IFT140: variants seen among roughly 807,000 people sequenced by gnomAD.
The protein encoded by IFT140 is intraflagellar transport 140, also known as intraflagellar transport protein 140 homolog.
Under a neutral mutation model 164.6 loss-of-function variants are expected in IFT140, and 133 were observed. The ratio of observed to expected loss-of-function variants is 0.81; its 90% CI spans 0.70 to 0.93. IFT140 has a LOEUF of 0.93. Among genes scored for constraint, IFT140 ranks in the 40% least tolerant of loss-of-function variants. The pLI, the probability that IFT140 is intolerant of heterozygous loss-of-function variation, is 0.00. For missense variants in IFT140, 2,045 were observed against 1,972.3 expected (o/e 1.04, Z -0.70); for synonymous variants, 860 against 817.3 (o/e 1.05, Z -0.89).
At position 1,562,067 on chromosome 16, in the gene IFT140, A is replaced by C. The variant is rs1313840942; in HGVS notation, c.2117T>G (p.Leu706Arg). The C allele has an allele frequency of 6.2e-7, 1 of 1,612,334 alleles. No homozygotes were observed. The highest frequency in any genetic ancestry group is 8.5e-7 in the Non-Finnish European group (1 of 1,179,242). ...AGGCCGGGGGAAGCTCTCATGAAGC[A>C]GGAAGCCGTGCTCTTCGGAAATGAA... The part of the protein sequence containing the change: ...SFFISEEHGF[L>R]LHESFPRPAT... The change falls in exon 18 of 31, where the codon CTG becomes CGG. Residue 706 changes from leucine to arginine, a missense_variant. Coordinates refer to ENST00000426508, the MANE Select transcript of IFT140 (RefSeq NM_014714.4).
chr16:1,561,049 G>C (rs1348602597), intron 18 of IFT140, among the ~76,000 whole-genome samples: 1 of 152,264 alleles, frequency 6.6e-6, no homozygotes, highest in African/African-American at 2.4e-5. Context: ...GGGCTCACAG[G>C]CCGGCGCCAG....
intron 20 of IFT140, 176 bp from the exon 21 acceptor site, chr16:1,526,253 G>A (rs1169255638): frequency 1.1e-5 from 7 of 650,240 alleles, no homozygotes; most frequent in African/African-American, 3.7e-5. Context: ...CCCGTCCCAC[G>A]GCTGGAGAGT....
intron 9 of IFT140, 23 bp downstream of exon 9, chr16:1,587,175 T>G: frequency 6.8e-7 from 1 of 1,468,746 alleles, no homozygotes; most frequent in Non-Finnish European, 9.5e-7. Flanking sequence ...CTGTTTCTCT[T>G]GTGCCAGGCC....
Position 1,564,361 on chromosome 16 carries a change from G to A in IFT140, c.1902-199C>T, listed in dbSNP as rs1262133606. ...TCTCAGATTTTAACAACTGGGCTAA[G>A]GGTCCGAGCAAAGCCCAGTTTGAAA... On this transcript the variant is annotated intron_variant, in intron 16 of 30. Transcript: ENST00000426508. This position sits in a 1 kb window ranked among gnomAD's most constrained non-coding sequence, Gnocchi z 5.5. Among the ~76,000 whole-genome samples, 1 of 152,194 alleles carries A rather than the reference G, an allele frequency of 6.6e-6. No individual in the cohort carries two copies. Among genetic ancestry groups the A allele is most frequent in the South Asian group, 2.1e-4 (1 of 4,836 alleles).
chr16:1,594,419 C>T (rs1197997058), intron 4 of IFT140, among the ~76,000 whole-genome samples: 1 of 152,096 alleles, frequency 6.6e-6, no homozygotes, highest in African/African-American at 2.4e-5. Context: ...TGGGGTCGCA[C>T]TATGTTGCCC....
chr16:1,526,732 C>G lies in IFT140; in HGVS notation c.2464G>C (p.Val822Leu). Residue 822 changes from valine to leucine, a missense_variant, in exon 20 of 31, where the codon GTG becomes CTG. Transcript: ENST00000426508. ...VKTQRLDVAK[V>L]CLGNMGHARG... ...GCATGGCCCATGTTCCCCAGGCACACCTTGGCCACGTCCAGCCGCTGGGTC... is the reference window on the plus strand; with the variant it reads ...GCATGGCCCATGTTCCCCAGGCACAGCTTGGCCACGTCCAGCCGCTGGGTC... 2 of 1,609,688 alleles carry G rather than the reference C, an allele frequency of 1.2e-6. No individual in the cohort carries two copies. The highest frequency in any genetic ancestry group is 3.4e-5 in the Admixed American group (2 of 59,660).
At position 1,519,964 on chromosome 16, in the gene IFT140, G is replaced by A. The variant is rs1408465398; in HGVS notation, c.3957C>T (p.Ala1319=). 2 of 1,599,078 alleles carry A rather than the reference G, an allele frequency of 1.3e-6. No homozygotes were observed. Among genetic ancestry groups the A allele is most frequent in the South Asian group, 1.1e-5 (1 of 90,038 alleles). ...TGGTCTCCTGGTCCAGGGGGCTCTT[G>A]GCCTTGGCCTTGGCCAGGCACTTGT... The part of the protein sequence containing the change: ...EAYKCLAKAK[A]KSPLDQETRL... Residue 1319 remains alanine (A), a synonymous_variant, in exon 29 of 31, where the codon GCC becomes GCT. Transcript: ENST00000426508.
At chr16:1,583,655 C>T (rs901279228) in intron 11 of IFT140, among the ~76,000 whole-genome samples, 2 of 150,184 alleles carry the variant, frequency 1.3e-5, no homozygotes, top group Admixed American at 6.6e-5. Context: ...AAGTATCCCT[C>T]TCTTTCCTTT....
chr16:1,600,531 T>C (rs530946189), intron 4 of IFT140, among the ~76,000 whole-genome samples: 9 of 151,438 alleles, frequency 5.9e-5, no homozygotes, highest in Non-Finnish European at 1.0e-4. Flanking sequence ...CACCATTGTC[T>C]AATTAGCAAA....
rs1328631246 is a variant in IFT140 at position 1,533,810 on chromosome 16, G to A, written c.2400-7014C>T. On this transcript the variant is annotated intron_variant, in intron 19 of 30. Transcript: ENST00000426508. This position sits in a 1 kb window ranked among gnomAD's most constrained non-coding sequence, Gnocchi z 4.7. ...GGCAGCACAGAGGAGCTGTGAACCC[G>A]CTCCACACCGGCCACCCTGCCCGGA... The A allele has an allele frequency of 1.4e-5, 3 of 213,930 alleles. No individual in the cohort carries two copies. The highest frequency in any genetic ancestry group is 1.4e-4 in the South Asian group (2 of 14,678). 13.3% of individuals were successfully genotyped at this position (213,930 alleles called of 1,614,324 possible). A position where few individuals can be genotyped will look rare whatever the true frequency, so the allele number is the denominator to read the frequency against.
At chr16:1,607,384 T>A (rs2036131624) in intron 2 of IFT140, 87 bp from the exon 3 acceptor site, 1 of 1,201,844 alleles carries the variant, frequency 8.3e-7, no homozygotes, top group African/African-American at 1.6e-5. Flanking sequence ...AAAGGAAGCA[T>A]CCCAAAGCCA....
chr16:1,577,059 G>A (rs2034316078), intron 13 of IFT140: 1 of 152,188 alleles, frequency 6.6e-6, no homozygotes, highest in South Asian at 2.1e-4. Flanking sequence ...GATTTTTCAT[G>A]CATTTCGTGC....
Position 1,520,612 on chromosome 16 carries a change from T to C in IFT140, c.3650A>G (p.Asn1217Ser), listed in dbSNP as rs368380437. The C allele has an allele frequency of 2.7e-5, 42 of 1,584,136 alleles. No individual in the cohort carries two copies. The highest frequency in any genetic ancestry group is 3.4e-5 in the Non-Finnish European group (40 of 1,162,578). The change falls in exon 27 of 31, where the codon AAC becomes AGC. Residue 1217 changes from asparagine (N) to serine (S), a missense_variant. By Grantham distance (46) the Asn-to-Ser change is conservative. Coordinates refer to ENST00000426508, the MANE Select transcript of IFT140 (RefSeq NM_014714.4). ...CCGGGAGAGGCTCACCTTCAGCTTG[T>C]TGCCGGCCTGCGTGTACTTCTTGGT... The part of the protein sequence containing the change: ...LATKKYTQAG[N>S]KLKAMRALLK...
chr16:1,607,024 A>T, intron 3 of IFT140, 96 bp downstream of exon 3: 1 of 1,186,822 alleles, frequency 8.4e-7, no homozygotes, highest in Non-Finnish European at 1.2e-6. Context: ...ACCCATAGGC[A>T]CACACACACA....
At chr16:1,565,016 C>T (rs905510258) in intron 16 of IFT140, among the ~76,000 whole-genome samples, 7 of 152,240 alleles carry the variant, frequency 4.6e-5, no homozygotes, top group South Asian at 2.1e-4. Context: ...AGCTGGTTCC[C>T]GTGAGGTGAG....
In IFT140 at chr16:1,520,655, C is replaced by T. The variant is rs1382006253; in HGVS notation, c.3607G>A (p.Gly1203Ser). 2 of 1,604,380 alleles carry T rather than the reference C, an allele frequency of 1.2e-6. No homozygotes were observed. Among genetic ancestry groups the T allele is most frequent in the Non-Finnish European group, 1.7e-6 (2 of 1,175,090 alleles). Reference sequence around the variant, plus strand: ...TTCTTGGTGGCCAGGTGGTAGCTGCCCTGGCGCATGCAGCAGTCTGCTATC... The same window carrying T: ...TTCTTGGTGGCCAGGTGGTAGCTGCTCTGGCGCATGCAGCAGTCTGCTATC... ...EQIADCCMRQ[G>S]SYHLATKKYT... The change falls in exon 27 of 31, where the codon GGC (glycine) becomes AGC (serine). Residue 1203 changes from glycine to serine, a missense_variant. Physicochemically the swap from Gly to Ser is moderately conservative, Grantham distance 56 (BLOSUM62 0). Transcript: ENST00000426508.
chr16:1,528,277 C>T (rs929198028), intron 19 of IFT140, among the ~76,000 whole-genome samples: 7 of 152,158 alleles, frequency 4.6e-5, no homozygotes, highest in East Asian at 1.9e-4. Context: ...CTGCCACACG[C>T]GCCTCCCCTA....
chr16:1,525,861 G>C, intron 21 of IFT140, 26 bp downstream of exon 21: 1 of 1,500,428 alleles, frequency 6.7e-7, no homozygotes, highest in Non-Finnish European at 8.9e-7. Flanking sequence ...GAGAGGCAGG[G>C]AAGAGGCCGC....
Position 1,520,096 on chromosome 16 carries a change from CG to C in IFT140, c.3873+34del, listed in dbSNP as rs761142812. On this transcript the variant is annotated intron_variant, in intron 28 of 30. Coordinates refer to ENST00000426508, the MANE Select transcript of IFT140 (RefSeq NM_014714.4). The stretch of plus-strand genomic sequence containing the variant: ...ACCTGCCGGGCTCCACAGCCCTCCC[CG>C]GGGCCCCGCTGGCATGCCAGGGAGG... The C allele has an allele frequency of 8.7e-6, 14 of 1,610,926 alleles. No homozygotes were observed. In the South Asian group the frequency reaches 1.1e-4, roughly 13 times the overall value.
Sources: gnomAD v4.1 joint callset for allele counts (sites outside exome capture counted in the v4.1 genomes callset) on GRCh38, gnomAD v4.1.1 for gene constraint, Gnocchi (gnomAD v3.1) non-coding constraint, MANE v1.5 for transcripts, NCBI Gene and HGNC (gene_info 2026-07-23, HGNC 2026-07-21) for gene names.